PIERCE1: variants seen among roughly 807,000 people sequenced by gnomAD.
The protein encoded by PIERCE1 is piercer of microtubule wall 1, also known as piercer of microtubule wall 1 protein.
chr9:135,499,386 G>A, the PIERCE1 span: 22 of 604,844 alleles, frequency 3.6e-5, no homozygotes, highest in South Asian at 6.3e-5. Flanking sequence ...CAGTGGAGGT[G>A]CTGCTGTGCT....
At chr9:135,498,799 C>T in the PIERCE1 span, 1 of 773,352 alleles carries the variant, frequency 1.3e-6, no homozygotes, top group Non-Finnish European at 2.2e-6. This position sits in a 1 kb window ranked among gnomAD's most constrained non-coding sequence, Gnocchi z 4.1. Context: ...GTGATGTGGC[C>T]TCGAAGGCAG....
the PIERCE1 span, among the ~76,000 whole-genome samples, chr9:135,497,846 C>T: frequency 1.3e-5 from 2 of 152,356 alleles, no homozygotes; most frequent in Non-Finnish European, 2.9e-5. Context: ...CACAAGGGCT[C>T]AGTCACTCAC....
chr9:135,496,209 C>T, the PIERCE1 span, among the ~76,000 whole-genome samples: 94 of 152,232 alleles, frequency 6.2e-4, no homozygotes, highest in Admixed American at 1.2e-3. Flanking sequence ...CCCAGCTACT[C>T]GGGAGGCTGA....
At chr9:135,498,690 C>G in the PIERCE1 span, 1 of 1,590,724 alleles carries the variant, frequency 6.3e-7, no homozygotes, top group African/African-American at 1.3e-5. The surrounding 1 kb of genome is among the most constrained non-coding windows in gnomAD (Gnocchi z 4.1). Flanking sequence ...ACTCTATTTT[C>G]ATTCATTTAC....
At chr9:135,497,723 C>G in the PIERCE1 span, among the ~76,000 whole-genome samples, 2 of 152,224 alleles carry the variant, frequency 1.3e-5, no homozygotes, top group African/African-American at 4.8e-5. Flanking sequence ...CCGCATCCAG[C>G]TGTGTCTGGT....
the PIERCE1 span, chr9:135,495,429 A>G: frequency 1.2e-6 from 2 of 1,613,112 alleles, no homozygotes; most frequent in East Asian, 2.2e-5. Context: ...CCAGCCCCTC[A>G]ATCGCAGATG....
the PIERCE1 span, chr9:135,495,226 T>C: frequency 1.9e-6 from 1 of 520,344 alleles, no homozygotes; most frequent in Non-Finnish European, 3.4e-6. Flanking sequence ...CATTAGCATC[T>C]TTCCCATGTA....
chr9:135,498,578 C>T, the PIERCE1 span: 1 of 1,613,328 alleles, frequency 6.2e-7, no homozygotes, highest in African/African-American at 1.3e-5. The surrounding 1 kb of genome is among the most constrained non-coding windows in gnomAD (Gnocchi z 4.1). Flanking sequence ...TCTTGCATCC[C>T]ACTTACAGGC....
chr9:135,497,764 A>T, the PIERCE1 span, among the ~76,000 whole-genome samples: 2 of 152,162 alleles, frequency 1.3e-5, no homozygotes, highest in Admixed American at 6.5e-5. Flanking sequence ...ATCCCCAGGG[A>T]AAACTCAGGG....
the PIERCE1 span, chr9:135,499,677 C>T: frequency 1.9e-6 from 3 of 1,604,778 alleles, no homozygotes; most frequent in Non-Finnish European, 8.5e-7. Context: ...GAGCAGTGGA[C>T]GCCAGGACCA....
At chr9:135,498,965 A>T in the PIERCE1 span, 4 of 368,702 alleles carry the variant, frequency 1.1e-5, no homozygotes, top group Non-Finnish European at 2.0e-5. This position sits in a 1 kb window ranked among gnomAD's most constrained non-coding sequence, Gnocchi z 4.1. Context: ...GCCTCGGCAC[A>T]TGCTGCAATT....
chr9:135,495,793 A>C, the PIERCE1 span, among the ~76,000 whole-genome samples: 1 of 151,974 alleles, frequency 6.6e-6, no homozygotes, highest in Non-Finnish European at 1.5e-5. Context: ...ACTTGCTGTT[A>C]ACACTGCCCC....
chr9:135,499,762 C>G, the PIERCE1 span: 7 of 1,607,374 alleles, frequency 4.4e-6, no homozygotes, highest in Admixed American at 3.4e-5. Context: ...GGTCCGCGCT[C>G]ACGCGGTAGT....
At chr9:135,499,429 G>A in the PIERCE1 span, 13 of 673,612 alleles carry the variant, frequency 1.9e-5, no homozygotes, top group Non-Finnish European at 2.8e-6. Context: ...GGGTAGAGAG[G>A]AGAGGAGACT....
At chr9:135,497,749 AC>A in the PIERCE1 span, among the ~76,000 whole-genome samples, 1 of 152,114 alleles carries the variant, frequency 6.6e-6, no homozygotes, top group Non-Finnish European at 1.5e-5. Flanking sequence ...TCATAGAAAT[AC>A]CTGATCCCCA....
chr9:135,498,514 C>T, the PIERCE1 span: 1 of 1,341,836 alleles, frequency 7.5e-7, no homozygotes, highest in South Asian at 1.2e-5. This position sits in a 1 kb window ranked among gnomAD's most constrained non-coding sequence, Gnocchi z 4.1. Context: ...TGTTGAGAAC[C>T]CCAGGTTTTT....
At chr9:135,495,423 C>T in the PIERCE1 span, 1 of 1,612,094 alleles carries the variant, frequency 6.2e-7, no homozygotes, top group Middle Eastern at 1.7e-4. Flanking sequence ...GAGTTTCCAG[C>T]CCCTCAATCG....
At chr9:135,499,579 C>A in the PIERCE1 span, 2 of 1,266,642 alleles carry the variant, frequency 1.6e-6, no homozygotes, top group South Asian at 1.3e-5. Context: ...GCGATGACAG[C>A]GCGGGCCCCG....
chr9:135,495,729 G>T, the PIERCE1 span: 3 of 1,016,006 alleles, frequency 3.0e-6, no homozygotes, highest in Non-Finnish European at 4.3e-6. Context: ...AGCCAGAGTG[G>T]GTAGGATGGC....
Sources: allele counts gnomAD v4.1 joint callset (sites outside exome capture counted in the v4.1 genomes callset), GRCh38; gene constraint gnomAD v4.1.1; non-coding constraint Gnocchi (gnomAD v3.1); transcripts MANE v1.5; gene names NCBI Gene and HGNC (gene_info 2026-07-23, HGNC 2026-07-21).